AGBL4: variants seen among roughly 807,000 people sequenced by gnomAD.
AGBL4 encodes cytosolic carboxypeptidase 6.
A neutral mutation model predicts 66.4 loss-of-function variants in AGBL4; 58 were observed. The observed-to-expected ratio is 0.87, with a 90% confidence interval of 0.71 to 1.09. The LOEUF is 1.09. Among genes scored for constraint, AGBL4 ranks in the 50% least tolerant of loss-of-function variants. AGBL4 has a pLI of 0.00. For synonymous variants in AGBL4, 234 were observed against 222.9 expected (o/e 1.05, Z -0.44); for missense variants, 579 against 631.0 (o/e 0.92, Z 0.88).
chr1:48,715,045 C>T (rs1372102803), intron 6 of AGBL4, among the ~76,000 whole-genome samples: 1 of 152,116 alleles, frequency 6.6e-6, no homozygotes, highest in East Asian at 1.9e-4. Context: ...CGAGAGAGTA[C>T]CCTGAGGTGG....
chr1:49,582,432 T>G (rs1644561280), intron 3 of AGBL4, among the ~76,000 whole-genome samples: 1 of 152,118 alleles, frequency 6.6e-6, no homozygotes, highest in South Asian at 2.1e-4. Flanking sequence ...TTCAGTCAGA[T>G]GAGGTAGTTC....
At chr1:49,426,330 G>A (rs555931881) in intron 3 of AGBL4, among the ~76,000 whole-genome samples, 20 of 152,192 alleles carry the variant, frequency 1.3e-4, no homozygotes, top group African/African-American at 4.6e-4. Flanking sequence ...GGAATAAAAA[G>A]TGAAAAAACA....
intron 5 of AGBL4, among the ~76,000 whole-genome samples, chr1:49,009,619 A>G (rs1662211241): frequency 6.6e-6 from 1 of 151,980 alleles, no homozygotes; most frequent in Non-Finnish European, 1.5e-5. Context: ...TATTGATGCA[A>G]AAATCCTCAA....
chr1:49,156,633 T>C (rs1646435752), intron 4 of AGBL4, among the ~76,000 whole-genome samples: 1 of 152,132 alleles, frequency 6.6e-6, no homozygotes, highest in Non-Finnish European at 1.5e-5. Context: ...TCTTGTGACA[T>C]GGAAGCTGGC....
intron 1 of AGBL4, among the ~76,000 whole-genome samples, chr1:49,880,101 T>C (rs1380453562): frequency 2.0e-5 from 3 of 151,944 alleles, no homozygotes; most frequent in Admixed American, 2.0e-4. Flanking sequence ...TTGCCTTTGG[T>C]TTGAATGTCC....
At chr1:49,886,799 T>G (rs574211591) in intron 1 of AGBL4, among the ~76,000 whole-genome samples, 1 of 152,288 alleles carries the variant, frequency 6.6e-6, no homozygotes, top group South Asian at 2.1e-4. Flanking sequence ...TACAACTGCA[T>G]TCTGGTTCCC....
At chr1:49,695,421 T>C (rs765217729) in intron 3 of AGBL4, among the ~76,000 whole-genome samples, 14 of 152,164 alleles carry the variant, frequency 9.2e-5, no homozygotes, top group Non-Finnish European at 2.1e-4. Context: ...TCGTGGATTA[T>C]ATTCTCTAGA....
At chr1:48,769,542 C>CACACAA (rs1203520613) in intron 6 of AGBL4, among the ~76,000 whole-genome samples, 1 of 145,158 alleles carries the variant, frequency 6.9e-6, no homozygotes, top group Non-Finnish European at 1.5e-5. Context: ...CACACACACA[C>CACACAA]ACACACACAC....
chr1:49,915,222 T>C (rs948110463), intron 1 of AGBL4, among the ~76,000 whole-genome samples: 3 of 152,018 alleles, frequency 2.0e-5, no homozygotes, highest in African/African-American at 7.2e-5. Context: ...CACTGGGGCA[T>C]GTTGGACAGT....
At chr1:49,574,110 C>T (rs922614735) in intron 3 of AGBL4, among the ~76,000 whole-genome samples, 4 of 152,052 alleles carry the variant, frequency 2.6e-5, no homozygotes, top group Admixed American at 2.6e-4. Context: ...CTCAGTGGGC[C>T]CCTAGAGGTA....
chr1:49,203,418 A>G (rs1342516522), intron 4 of AGBL4, among the ~76,000 whole-genome samples: 1 of 152,216 alleles, frequency 6.6e-6, no homozygotes. Flanking sequence ...GTATATATGC[A>G]ATGGAATATT....
intron 2 of AGBL4, among the ~76,000 whole-genome samples, chr1:49,723,855 T>C (rs918663518): frequency 6.6e-6 from 1 of 152,170 alleles, no homozygotes; most frequent in African/African-American, 2.4e-5. Flanking sequence ...AGCTTTCATT[T>C]ACTGAATGAA....
At position 49,170,675 on chromosome 1, in the gene AGBL4, G is replaced by GTA. The variant is rs527850213; in HGVS notation, c.377+75093_377+75094dup. 1.7e-3 allele frequency among the ~76,000 whole-genome samples: 246 copies of GTA among 147,192 alleles called. 1 individual carries two copies. The highest frequency in any genetic ancestry group is 0.012 in the East Asian group (59 of 5,092). ...TAAACTATATATGTTTTAAATATGT[G>GTA]TATATATATATATATGAATTGTGAC... is the stretch of plus-strand genomic sequence containing the variant. On this transcript the variant is annotated intron_variant, in intron 4 of 13. Transcript: ENST00000371839.
intron 2 of AGBL4, among the ~76,000 whole-genome samples, chr1:49,836,001 G>T (rs1645838142): frequency 6.6e-6 from 1 of 152,130 alleles, no homozygotes; most frequent in African/African-American, 2.4e-5. Flanking sequence ...CTCTCTGGCT[G>T]CCCTTAACAT....
chr1:48,583,853 G>GGTT (rs541344819), intron 11 of AGBL4: 4 of 144,758 alleles, frequency 2.8e-5, no homozygotes, highest in African/African-American at 7.7e-5. Flanking sequence ...TGAAATGAGA[G>GGTT]TTTTTTTTTT....
intron 4 of AGBL4, among the ~76,000 whole-genome samples, chr1:49,223,650 TA>T (rs1174391787): frequency 2.0e-5 from 3 of 152,220 alleles, no homozygotes; most frequent in African/African-American, 7.2e-5. Context: ...GCGACCCTTC[TA>T]AATGCAGGGT....
At chr1:49,883,488 A>G (rs1647653258) in intron 1 of AGBL4, among the ~76,000 whole-genome samples, 1 of 152,042 alleles carries the variant, frequency 6.6e-6, no homozygotes, top group African/African-American at 2.4e-5. Context: ...TCTAGTGATT[A>G]TGGTTTCTCA....
At chr1:49,000,304 T>C (rs1227720121) in intron 5 of AGBL4, among the ~76,000 whole-genome samples, 2 of 152,138 alleles carry the variant, frequency 1.3e-5, no homozygotes, top group African/African-American at 4.8e-5. Context: ...TTCCTCAGGG[T>C]GACCTTTATG....
chr1:49,561,232 T>C (rs561623933), intron 3 of AGBL4, among the ~76,000 whole-genome samples: 4 of 149,346 alleles, frequency 2.7e-5, no homozygotes, highest in Non-Finnish European at 6.0e-5. Flanking sequence ...GTGTAGAGCT[T>C]TTTTAAGTTT....
Sources: gnomAD v4.1 joint callset for allele counts (sites outside exome capture counted in the v4.1 genomes callset) on GRCh38, gnomAD v4.1.1 for gene constraint, MANE v1.5 for transcripts, NCBI Gene and HGNC (gene_info 2026-07-23, HGNC 2026-07-21) for gene names.